The following ABCB4 variants were observed in gnomAD, a reference collection of about 807,000 sequenced individuals.
ABCB4 encodes phosphatidylcholine translocator ABCB4.
Under a neutral mutation model 145.7 loss-of-function variants are expected in ABCB4, and 76 were observed. That is an observed-to-expected ratio of 0.52 (90% CI 0.43 to 0.63). ABCB4 has a LOEUF of 0.63. Ranked by LOEUF, ABCB4 falls within the 30% of genes least tolerant of loss-of-function variation. ABCB4 has a pLI of 0.00. For synonymous variants in ABCB4, 517 were observed against 566.8 expected, an observed-to-expected ratio of 0.91 and a Z score of 1.25; for missense variants, 1,234 against 1,553.1, an observed-to-expected ratio of 0.79 and a Z score of 3.45.
chr7:87,422,000 C>T, intron 18 of ABCB4, 121 bp downstream of exon 18: 1 of 754,188 alleles, frequency 1.3e-6, no homozygotes, highest in East Asian at 2.7e-5. Flanking sequence ...CCAGCAGAGC[C>T]TTATGCCAAT....
chr7:87,475,655 G>T lies in ABCB4; in HGVS notation c.-28C>A. On this transcript the variant is annotated 5_prime_UTR_variant, in exon 1 of 28. Coordinates refer to ENST00000649586, the MANE Select transcript of ABCB4 (RefSeq NM_000443.4). ...TCACCTCGAACCTCGCGCGTGTCTG[G>T]CAGGGCCTCTGGACGCGCGGGCGCT... The T allele has an allele frequency of 1.6e-6, 1 of 640,142 alleles. No individual in the cohort carries two copies. Among genetic ancestry groups the T allele is most frequent in the Non-Finnish European group, 2.8e-6 (1 of 362,196 alleles). 39.7% of individuals were successfully genotyped at this position (640,142 alleles called of 1,614,324 possible). A position where few individuals can be genotyped will look rare whatever the true frequency, so the allele number is the denominator to read the frequency against.
chr7:87,429,914 T>TAAA (rs58654815), intron 15 of ABCB4, among the ~76,000 whole-genome samples: 9 of 139,200 alleles, frequency 6.5e-5, no homozygotes, highest in East Asian at 4.0e-4. Flanking sequence ...TTTTTTTTTT[T>TAAA]AAAAAAAAAA....
chr7:87,382,666 C>T, the ABCB4 span: 10 of 887,726 alleles, frequency 1.1e-5, no homozygotes, highest in Non-Finnish European at 1.7e-5. Context: ...GTACTGTGTC[C>T]TATTTGTACT....
In ABCB4 at chr7:87,403,209, G is replaced by T; in HGVS notation, c.3559C>A (p.Arg1187=). Residue 1187 remains arginine (R), a synonymous_variant, in exon 27 of 28, where the codon CGA becomes AGA. Transcript: ENST00000649586. Reference sequence around the variant, plus strand: ...ATTTGAGGTTGTCTGATGAGGGCTCGGGCAATAGCAATCCTCTGTTTTTGA... The same window carrying T: ...ATTTGAGGTTGTCTGATGAGGGCTCTGGCAATAGCAATCCTCTGTTTTTGA... The part of the protein sequence containing the change: ...GGQKQRIAIA[R]ALIRQPQILL... The T allele has an allele frequency of 6.2e-7, 1 of 1,613,802 alleles. No individual in the cohort carries two copies. Among genetic ancestry groups the T allele is most frequent in the Non-Finnish European group, 8.5e-7 (1 of 1,179,834 alleles).
chr7:87,453,656 G>A (rs1811913220), intron 5 of ABCB4, among the ~76,000 whole-genome samples: 1 of 152,084 alleles, frequency 6.6e-6, no homozygotes, highest in Admixed American at 6.5e-5. Context: ...TACTTGAACT[G>A]TTAGCCAAAG....
rs752330465 is a variant in ABCB4, at chr7:87,443,455, A to T, written c.1231-11T>A. 1 of 1,614,134 alleles carries T rather than the reference A, an allele frequency of 6.2e-7. No individual in the cohort carries two copies. Among genetic ancestry groups the T allele is most frequent in the Non-Finnish European group, 8.5e-7 (1 of 1,180,006 alleles). Reference sequence around the variant, plus strand: ...GAGGCCCTTCAAGATCTGTAAGGAAAATGAGAAAAAAGAACACACTTCACA... The same window carrying T: ...GAGGCCCTTCAAGATCTGTAAGGAATATGAGAAAAAAGAACACACTTCACA... On this transcript the variant is annotated splice_polypyrimidine_tract_variant and intron_variant, in intron 11 of 27. Transcript: ENST00000649586.
At chr7:87,448,913 C>CA (rs1811524389) in intron 8 of ABCB4, among the ~76,000 whole-genome samples, 1 of 151,962 alleles carries the variant, frequency 6.6e-6, no homozygotes, top group Non-Finnish European at 1.5e-5. Context: ...ATAGAATAGC[C>CA]AAAGAAAATA....
chr7:87,402,085 G>C lies in ABCB4; in HGVS notation c.*11C>G. ...TTTGAATTTATTTTTAAAATATACTGTAGCAAAAGTTCATAAGTTCTGTGT... is the reference window on the plus strand; with the variant it reads ...TTTGAATTTATTTTTAAAATATACTCTAGCAAAAGTTCATAAGTTCTGTGT... On this transcript the variant is annotated 3_prime_UTR_variant, in exon 28 of 28. Coordinates refer to ENST00000649586, the MANE Select transcript of ABCB4 (RefSeq NM_000443.4). 6.2e-7 allele frequency: 1 copy of C among 1,613,796 alleles called. No individual in the cohort carries two copies. The highest frequency in any genetic ancestry group is 8.5e-7 in the Non-Finnish European group (1 of 1,179,764).
chr7:87,467,894 C>A (rs1813044095), intron 3 of ABCB4, among the ~76,000 whole-genome samples: 1 of 152,140 alleles, frequency 6.6e-6, no homozygotes, highest in Admixed American at 6.5e-5. Flanking sequence ...ACATTTAAAG[C>A]AGTGGGTAGA....
Position 87,443,824 on chromosome 7 carries a change from C to A in ABCB4, c.1120-51G>T, listed in dbSNP as rs45542437. On this transcript the variant is annotated intron_variant, in intron 10 of 27. Transcript: ENST00000649586. ...ATTCCATCATAGCACAAACAAGTTG[C>A]ATTTTTAAGGAATATGATTCAGCAA... 6.8e-4 allele frequency: 977 copies of A among 1,438,452 alleles called. 9 individuals are homozygous for A. The African/African-American group carries it at 0.011, about 17-fold the overall frequency. 89.1% of individuals were successfully genotyped at this position (1,438,452 alleles called of 1,614,324 possible).
intron 27 of ABCB4, among the ~76,000 whole-genome samples, 192 bp from the exon 28 acceptor site, chr7:87,402,494 T>G (rs544519944): frequency 6.6e-6 from 1 of 152,316 alleles, no homozygotes; most frequent in South Asian, 2.1e-4. Flanking sequence ...TTTTTAAATA[T>G]AACACAAATG....
chr7:87,367,575 A>G, the ABCB4 span, among the ~76,000 whole-genome samples: 1 of 152,186 alleles, frequency 6.6e-6, no homozygotes, highest in Non-Finnish European at 1.5e-5. Context: ...CCCCCTTGCA[A>G]TATGTTACTG....
At chr7:87,415,434 G>T (rs1439238901) in intron 21 of ABCB4, among the ~76,000 whole-genome samples, 1 of 152,130 alleles carries the variant, frequency 6.6e-6, no homozygotes, top group Non-Finnish European at 1.5e-5. Flanking sequence ...TGATTGAACT[G>T]CTGATATTAA....
At chr7:87,427,787 A>G (rs951595767) in intron 15 of ABCB4, among the ~76,000 whole-genome samples, 10 of 152,184 alleles carry the variant, frequency 6.6e-5, no homozygotes, top group African/African-American at 1.9e-4. Context: ...AACATCTGAC[A>G]GAACACTGCC....
At chr7:87,381,175 A>G in the ABCB4 span, among the ~76,000 whole-genome samples, 2 of 152,178 alleles carry the variant, frequency 1.3e-5, no homozygotes, top group African/African-American at 2.4e-5. Flanking sequence ...CAGATCATGA[A>G]TGATATCTGT....
At chr7:87,460,648 A>ATTTATTTG (rs1812395993) in intron 4 of ABCB4, among the ~76,000 whole-genome samples, 1 of 151,026 alleles carries the variant, frequency 6.6e-6, no homozygotes. Context: ...TTATTTATTT[A>ATTTATTTG]TTTATTTATT....
rs374821990 is a variant in ABCB4 at position 87,422,115 on chromosome 7, A to T, written c.2316+6T>A. On this transcript the variant is annotated splice_donor_region_variant and intron_variant, in intron 18 of 27. Coordinates refer to ENST00000649586, the MANE Select transcript of ABCB4 (RefSeq NM_000443.4). The stretch of plus-strand genomic sequence containing the variant: ...TTGATGAGAAAGGCAAATCATGGGT[A>T]CCTACCTGAAGGAAGAAAGTAAAAA... The T allele has an allele frequency of 5.7e-6, 9 of 1,574,226 alleles. No individual in the cohort carries two copies. In the African/African-American group the frequency reaches 1.2e-4, roughly 21 times the overall value.
chr7:87,466,415 A>G (rs1584790268), intron 3 of ABCB4, among the ~76,000 whole-genome samples: 2 of 152,250 alleles, frequency 1.3e-5, no homozygotes, highest in East Asian at 1.9e-4. Context: ...GACCAAATCT[A>G]TGTGTGATTG....
At chr7:87,386,436 A>G in the ABCB4 span, among the ~76,000 whole-genome samples, 4 of 152,020 alleles carry the variant, frequency 2.6e-5, no homozygotes, top group African/African-American at 9.7e-5. Flanking sequence ...AGGTTTTCCA[A>G]TTTGTTGGCA....
Sources: allele counts gnomAD v4.1 joint callset (sites outside exome capture counted in the v4.1 genomes callset), GRCh38; gene constraint gnomAD v4.1.1; transcripts MANE v1.5; gene names NCBI Gene and HGNC (gene_info 2026-07-23, HGNC 2026-07-21).